Variants in RGSL1 observed in about 807,000 individuals in gnomAD.
RGSL1 encodes the protein regulator of G protein signaling like 1, also known as regulator of G protein signaling protein-like.
A neutral mutation model predicts 124.7 loss-of-function variants in RGSL1; 97 were observed. The observed-to-expected ratio is 0.78, with a 90% CI of 0.66 to 0.92. The LOEUF is 0.92. RGSL1 is among the 40% of genes least tolerant of loss of function. The pLI, the probability that RGSL1 is intolerant of heterozygous loss-of-function variation, is 0.00. For synonymous variants in RGSL1, 424 were observed against 438.1 expected, an observed-to-expected ratio of 0.97 and a Z score of 0.40; for missense variants, 1,233 against 1,288.4, an observed-to-expected ratio of 0.96 and a Z score of 0.66.
At chr1:182,498,654 G>T (rs1656115879) in intron 9 of RGSL1, among the ~76,000 whole-genome samples, 1 of 152,172 alleles carries the variant, frequency 6.6e-6, no homozygotes, top group Admixed American at 6.5e-5. Flanking sequence ...TCTTTTTAGT[G>T]ATTTTCTTAG....
chr1:182,551,249 C>T lies in RGSL1; in HGVS notation c.3043+40C>T, dbSNP rs549712122. On this transcript the variant is annotated intron_variant, in intron 18 of 21. Coordinates refer to ENST00000294854, the MANE Select transcript of RGSL1 (RefSeq NM_001137669.2). ...GACTCACAGCCCCATTCTCCAGCAA[C>T]CAAGACTTGTGAAGAGAAAGCAAGG... 11 of 1,489,340 alleles carry T rather than the reference C, an allele frequency of 7.4e-6. No individual in the cohort carries two copies. The South Asian group carries it at 1.3e-4, about 18-fold the overall frequency. 92.3% of individuals were successfully genotyped at this position (1,489,340 alleles called of 1,614,324 possible).
intron 9 of RGSL1, among the ~76,000 whole-genome samples, chr1:182,501,307 CTTTTTTTTTTTTTTTT>C (rs141279993): frequency 3.3e-5 from 2 of 61,366 alleles, no homozygotes; most frequent in South Asian, 7.1e-4. Context: ...TTTTTCTTTT[CTTTTTTTTTTTTTTTT>C]TTTTTTTTTT....
chr1:182,450,155 A>T lies in RGSL1; in HGVS notation c.-11A>T, dbSNP rs1651696641. 6.4e-7 allele frequency: 1 copy of T among 1,551,948 alleles called. No individual in the cohort carries two copies. Among genetic ancestry groups the T allele is most frequent in the African/African-American group, 1.4e-5 (1 of 73,062 alleles). On this transcript the variant is annotated 5_prime_UTR_variant, in exon 1 of 22. Coordinates refer to ENST00000294854, the MANE Select transcript of RGSL1 (RefSeq NM_001137669.2). Reference sequence around the variant, plus strand: ...CCTAACAAATTACTGTGTCAGGAAGAGCATGGCAACATGAGCAGTGCTGGT... The same window carrying T: ...CCTAACAAATTACTGTGTCAGGAAGTGCATGGCAACATGAGCAGTGCTGGT...
Position 182,489,128 on chromosome 1 carries a change from G to A in RGSL1, c.1643G>A (p.Arg548Gln), listed in dbSNP as rs922146237. ...AAGGAAATGGACTATAGGCAGTGGC[G>A]AAAGATAGCTACTGAGGACCTGAAG... ...DMKEMDYRQWRKIATEDLKQG... is the reference protein window; with the variant it reads ...DMKEMDYRQWQKIATEDLKQG... Residue 548 changes from arginine (R) to glutamine (Q), a missense_variant, in exon 8 of 22, where the codon CGA becomes CAA. Coordinates refer to ENST00000294854, the MANE Select transcript of RGSL1 (RefSeq NM_001137669.2). The A allele has an allele frequency of 9.0e-6, 14 of 1,551,722 alleles. No individual in the cohort carries two copies. The highest frequency in any genetic ancestry group is 2.4e-5 in the East Asian group (1 of 40,920).
At chr1:182,516,566 A>G (rs1317276358) in intron 9 of RGSL1, among the ~76,000 whole-genome samples, 1 of 152,050 alleles carries the variant, frequency 6.6e-6, no homozygotes, top group East Asian at 1.9e-4. Flanking sequence ...TTTCTCTTGT[A>G]GTATGTTTTA....
intron 10 of RGSL1, among the ~76,000 whole-genome samples, chr1:182,524,890 G>A (rs1163195006): frequency 2.0e-5 from 3 of 152,122 alleles, no homozygotes; most frequent in Non-Finnish European, 4.4e-5. Flanking sequence ...TATTCCCAAG[G>A]GACTGTGCAA....
At chr1:182,552,154 C>T (rs1660602219) in intron 18 of RGSL1, among the ~76,000 whole-genome samples, 1 of 151,468 alleles carries the variant, frequency 6.6e-6, no homozygotes, top group South Asian at 2.1e-4. Context: ...CGCTCTGTGG[C>T]CCAGGCTGGA....
At chr1:182,509,371 A>G (rs1419467274) in intron 9 of RGSL1, among the ~76,000 whole-genome samples, 1 of 17,898 alleles carries the variant, frequency 5.6e-5, no homozygotes. Context: ...GGGGCTCCTC[A>G]CTTCCCAGTA....
chr1:182,484,419 A>G (rs1328051783), intron 6 of RGSL1, among the ~76,000 whole-genome samples: 5 of 152,106 alleles, frequency 3.3e-5, no homozygotes, highest in African/African-American at 1.2e-4. Context: ...ACTGCTTTAA[A>G]TCAAGCATGA....
chr1:182,545,673 A>T (rs952877201), intron 15 of RGSL1, among the ~76,000 whole-genome samples: 1 of 152,304 alleles, frequency 6.6e-6, no homozygotes, highest in East Asian at 1.9e-4. Context: ...TTTGCTAGAT[A>T]CAGTACTCTT....
chr1:182,516,044 A>G (rs1657867224), intron 9 of RGSL1, among the ~76,000 whole-genome samples: 1 of 152,250 alleles, frequency 6.6e-6, no homozygotes, highest in Admixed American at 6.5e-5. Flanking sequence ...AAGTCCAGGT[A>G]TCTCGGCTGA....
chr1:182,493,906 C>T (rs1359381420), intron 9 of RGSL1, among the ~76,000 whole-genome samples: 2 of 152,124 alleles, frequency 1.3e-5, no homozygotes, highest in African/African-American at 4.8e-5. Context: ...TGGAGTAGCT[C>T]CTCCAGGAAT....
Position 182,548,682 on chromosome 1 carries a change from C to T in RGSL1, c.2809-18C>T, listed in dbSNP as rs1164961652. The T allele has an allele frequency of 3.9e-6, 6 of 1,550,826 alleles. No homozygotes were observed. The highest frequency in any genetic ancestry group is 5.2e-6 in the Non-Finnish European group (6 of 1,146,758). On this transcript the variant is annotated intron_variant, in intron 16 of 21. Coordinates refer to ENST00000294854, the MANE Select transcript of RGSL1 (RefSeq NM_001137669.2). ...CCGTGGAGCCTCTGCCAGTGACAGG[C>T]TCCCACTCTGTGGGTAGGTGAATGT... is the stretch of plus-strand genomic sequence containing the variant.
Position 182,551,207 on chromosome 1 carries a change from G to A in RGSL1, c.3041G>A (p.Gly1014Glu), listed in dbSNP as rs1212011649. The change falls in exon 18 of 22, where the codon GGA becomes GAA. Residue 1014 changes from glycine to glutamate, a missense_variant and splice_region_variant. Physicochemically the swap from Gly to Glu is moderately conservative, Grantham distance 98. Coordinates refer to ENST00000294854, the MANE Select transcript of RGSL1 (RefSeq NM_001137669.2). ...KSTDKYPFSSGGDNAILRFTL... is the reference protein window; with the variant it reads ...KSTDKYPFSSEGDNAILRFTL... The stretch of plus-strand genomic sequence containing the variant: ...ACGGACAAGTATCCTTTCTCGAGTG[G>A]AGGTAAGCTCCACCACGACTCACAG... 1.9e-6 allele frequency: 3 copies of A among 1,548,382 alleles called. No homozygotes were observed. Among genetic ancestry groups the A allele is most frequent in the Admixed American group, 2.0e-5 (1 of 50,906 alleles).
At chr1:182,487,656 G>A (rs1281910287) in intron 6 of RGSL1, among the ~76,000 whole-genome samples, 1 of 152,182 alleles carries the variant, frequency 6.6e-6, no homozygotes, top group Non-Finnish European at 1.5e-5. Flanking sequence ...TTATGCTGCT[G>A]TTCACGCTGG....
At chr1:182,538,514 T>G (rs928115906) in intron 14 of RGSL1, among the ~76,000 whole-genome samples, 24 of 148,948 alleles carry the variant, frequency 1.6e-4, no homozygotes, top group Non-Finnish European at 2.5e-4. Context: ...GACAACAGAG[T>G]GAGACTCCCT....
intron 9 of RGSL1, among the ~76,000 whole-genome samples, chr1:182,516,651 A>G (rs1657917071): frequency 6.6e-6 from 1 of 152,210 alleles, no homozygotes; most frequent in Non-Finnish European, 1.5e-5. Context: ...TACAAAAAAC[A>G]TCTTATAGAT....
At chr1:182,471,040 G>T (rs1476006488) in intron 4 of RGSL1, among the ~76,000 whole-genome samples, 2 of 152,186 alleles carry the variant, frequency 1.3e-5, no homozygotes, top group Non-Finnish European at 2.9e-5. Context: ...AAGGGGCTTT[G>T]GTTGGAGGGT....
chr1:182,502,985 T>C (rs1656509018), intron 9 of RGSL1, among the ~76,000 whole-genome samples: 1 of 152,168 alleles, frequency 6.6e-6, no homozygotes. Flanking sequence ...AAATGGCTTA[T>C]ATCCAAAAGA....
Sources: gnomAD v4.1 joint callset for allele counts (sites outside exome capture counted in the v4.1 genomes callset) on GRCh38, gnomAD v4.1.1 for gene constraint, MANE v1.5 for transcripts, NCBI Gene and HGNC (gene_info 2026-07-23, HGNC 2026-07-21) for gene names.